Variants in FAM107B observed in about 807,000 individuals in gnomAD.
The protein encoded by FAM107B is protein FAM107B.
Under a neutral mutation model 31.5 loss-of-function variants are expected in FAM107B, and 21 were observed. The observed-to-expected ratio is 0.67, with a 90% CI of 0.47 to 0.96. FAM107B has a LOEUF of 0.96. Ranked by LOEUF, FAM107B falls within the 40% of genes least tolerant of loss-of-function variation. The pLI is 0.00. For missense variants in FAM107B, 452 were observed against 377.1 expected, an observed-to-expected ratio of 1.20 and a Z score of -1.64; for synonymous variants, 157 against 141.5, an observed-to-expected ratio of 1.11 and a Z score of -0.78.
intron 1 of FAM107B, among the ~76,000 whole-genome samples, chr10:14,701,031 T>A (rs1171958961): frequency 2.0e-5 from 3 of 151,974 alleles, no homozygotes; most frequent in Non-Finnish European, 4.4e-5. Context: ...GAAAACACTC[T>A]CTCCACCACT....
At chr10:14,620,017 C>CTTTTTTTTTTTTTTT in intron 2 of FAM107B, among the ~76,000 whole-genome samples, 1 of 83,900 alleles carries the variant, frequency 1.2e-5, no homozygotes, top group Non-Finnish European at 2.4e-5. Flanking sequence ...TTCTTTCTTT[C>CTTTTTTTTTTTTTTT]TTTTTTTTTT....
intron 2 of FAM107B, among the ~76,000 whole-genome samples, chr10:14,564,269 TAA>T (rs1188127619): frequency 6.6e-6 from 1 of 152,008 alleles, no homozygotes; most frequent in Non-Finnish European, 1.5e-5. Flanking sequence ...GACTTCTGCT[TAA>T]AAAAAGACTG....
chr10:14,671,900 AAAACC>A (rs1196659529), intron 1 of FAM107B, among the ~76,000 whole-genome samples: 8 of 150,364 alleles, frequency 5.3e-5, no homozygotes, highest in African/African-American at 2.0e-4. Context: ...AAACAAAAAA[AAAACC>A]CTCTATTTCT....
chr10:14,737,884 C>A (rs1222994444), intron 1 of FAM107B, among the ~76,000 whole-genome samples: 2 of 151,568 alleles, frequency 1.3e-5, no homozygotes, highest in East Asian at 3.9e-4. Context: ...GCAGTTCATC[C>A]CCCTGACTGG....
chr10:14,761,492 T>G (rs966399255), intron 1 of FAM107B, among the ~76,000 whole-genome samples: 11 of 152,222 alleles, frequency 7.2e-5, no homozygotes, highest in Non-Finnish European at 8.8e-5. Context: ...TTTTTATAAG[T>G]GAGATAATAC....
chr10:14,646,415 G>T (rs1853756396), intron 2 of FAM107B, among the ~76,000 whole-genome samples: 1 of 152,182 alleles, frequency 6.6e-6, no homozygotes, highest in Non-Finnish European at 1.5e-5. Flanking sequence ...ATTTAGGAGT[G>T]AGAACATGCA....
chr10:14,695,081 A>G (rs1460514210), intron 1 of FAM107B, among the ~76,000 whole-genome samples: 1 of 152,154 alleles, frequency 6.6e-6, no homozygotes, highest in African/African-American at 2.4e-5. Context: ...ACCAAGGCCA[A>G]TGTCTAGGAG....
chr10:14,729,959 G>A (rs891415861), intron 1 of FAM107B, among the ~76,000 whole-genome samples: 2 of 152,114 alleles, frequency 1.3e-5, no homozygotes, highest in Non-Finnish European at 2.9e-5. Context: ...AACACCACAT[G>A]TTCTCACTCA....
intron 2 of FAM107B, among the ~76,000 whole-genome samples, chr10:14,613,934 C>A (rs1473576552): frequency 1.3e-5 from 2 of 152,118 alleles, no homozygotes; most frequent in African/African-American, 2.4e-5. Context: ...AGTTCGAGAC[C>A]AGCCTGGGCA....
chr10:14,522,429 T>C (rs1431784757), intron 3 of FAM107B, among the ~76,000 whole-genome samples: 1 of 151,096 alleles, frequency 6.6e-6, no homozygotes, highest in Non-Finnish European at 1.5e-5. Context: ...TTTTTTTTTT[T>C]CTGAGACAGA....
intron 3 of FAM107B, chr10:14,529,503 C>T (rs1206793257): frequency 6.6e-6 from 1 of 152,140 alleles, no homozygotes; most frequent in East Asian, 1.9e-4. Flanking sequence ...CAAAAAATTA[C>T]CCTAATGCTA....
Position 14,559,099 on chromosome 10 carries a change from CAA to C in FAM107B, c.470-28586_470-28585del, listed in dbSNP as rs745765049. On this transcript the variant is annotated intron_variant, in intron 2 of 4. Transcript: ENST00000181796. ...CACATCAAAATCACCTGTGGAACTT[CAA>C]AAAAAAAAAAAAAAAACAAAAAAAA... is the stretch of plus-strand genomic sequence containing the variant. 7.6e-3 allele frequency among the ~76,000 whole-genome samples: 674 copies of C among 88,172 alleles called. 4 individuals carry two copies. The highest frequency in any genetic ancestry group is 0.011 in the Middle Eastern group (2 of 186). The allele number at this position is 88,172 out of a possible 152,430, so 57.8% of individuals were successfully genotyped here. A position where few individuals can be genotyped will look rare whatever the true frequency, so the allele number is the denominator to read the frequency against.
chr10:14,729,174 A>G (rs1234697263), intron 1 of FAM107B, among the ~76,000 whole-genome samples: 1 of 151,576 alleles, frequency 6.6e-6, no homozygotes, highest in African/African-American at 2.4e-5. Flanking sequence ...TTTTATTTTC[A>G]TTTTTGTAGA....
intron 1 of FAM107B, among the ~76,000 whole-genome samples, chr10:14,702,989 T>A (rs1380378186): frequency 6.6e-6 from 1 of 152,146 alleles, no homozygotes; most frequent in African/African-American, 2.4e-5. Context: ...CTCAGGCTCA[T>A]TCAGTTTCCA....
At chr10:14,656,819 T>A (rs1854069888) in intron 2 of FAM107B, among the ~76,000 whole-genome samples, 1 of 152,226 alleles carries the variant, frequency 6.6e-6, no homozygotes, top group Non-Finnish European at 1.5e-5. Context: ...TGCTTCAATT[T>A]GTGCACACTG....
chr10:14,652,629 T>C (rs890914556), intron 2 of FAM107B: 1 of 152,264 alleles, frequency 6.6e-6, no homozygotes, highest in African/African-American at 2.4e-5. Flanking sequence ...TGGCACGTTA[T>C]GCATTGTTCT....
intron 2 of FAM107B, among the ~76,000 whole-genome samples, chr10:14,570,540 G>A (rs921952610): frequency 6.6e-6 from 1 of 152,206 alleles, no homozygotes; most frequent in East Asian, 1.9e-4. Flanking sequence ...AGTGGCTGAC[G>A]CCTATAATCC....
chr10:14,681,804 G>A (rs144497180), intron 1 of FAM107B, among the ~76,000 whole-genome samples: 6 of 152,140 alleles, frequency 3.9e-5, no homozygotes, highest in Non-Finnish European at 5.9e-5. Context: ...TACACACAGC[G>A]CAACAGTTCG....
At chr10:14,548,217 G>A (rs895160166) in intron 2 of FAM107B, among the ~76,000 whole-genome samples, 4 of 152,178 alleles carry the variant, frequency 2.6e-5, no homozygotes, top group Non-Finnish European at 4.4e-5. Flanking sequence ...GGAGCAAGAC[G>A]TGGTCCAGGA....
Sources: allele counts gnomAD v4.1 joint callset (sites outside exome capture counted in the v4.1 genomes callset), GRCh38; gene constraint gnomAD v4.1.1; transcripts MANE v1.5; gene names NCBI Gene and HGNC (gene_info 2026-07-23, HGNC 2026-07-21).